The following DAB1 variants were observed in gnomAD, a reference collection of about 807,000 sequenced individuals.
DAB1 encodes DAB adaptor protein 1, also known as disabled homolog 1.
Under a neutral mutation model 64.6 loss-of-function variants are expected in DAB1, and 15 were observed. The ratio of observed to expected loss-of-function variants is 0.23; its 90% CI spans 0.16 to 0.36. DAB1 has a LOEUF of 0.36. Ranked by LOEUF, DAB1 falls within the 10% of genes least tolerant of loss-of-function variation. The probability of loss-of-function intolerance (pLI) is 1.00; values close to 1 mark genes in which losing one functional copy is unlikely to be tolerated. For missense variants in DAB1, 596 were observed against 706.7 expected (o/e 0.84, Z 1.78); for synonymous variants, 235 against 251.9 (o/e 0.93, Z 0.64).
In DAB1 at chr1:57,015,403, C is replaced by T. The variant is rs12404008; in HGVS notation, c.924G>A (p.Pro308=). The change falls in exon 12 of 15, where the codon CCG becomes CCA. Residue 308 remains proline, a synonymous_variant. Coordinates refer to ENST00000371236, the MANE Select transcript of DAB1 (RefSeq NM_001365792.1). ...CGAGGGGCTGCTGACCCCAGAAGGA[C>T]GGGAGGACAGCGCCCATTGCAACGT... The part of the protein sequence containing the change: ...SGYVAMGAVL[P]SFWGQQPLVQ... The T allele has an allele frequency of 4.6e-5, 75 of 1,612,948 alleles. No homozygotes were observed. The Admixed American group carries it at 4.8e-4, about 10-fold the overall frequency.
intron 3 of DAB1, among the ~76,000 whole-genome samples, chr1:58,375,123 C>G (rs1644310564): frequency 6.7e-6 from 1 of 149,178 alleles, no homozygotes; most frequent in African/African-American, 2.5e-5. Flanking sequence ...ATGTCGTCTG[C>G]AAACAGGGAC....
intron 1 of DAB1, among the ~76,000 whole-genome samples, chr1:57,301,710 C>T (rs1673675045): frequency 1.3e-5 from 2 of 152,176 alleles, no homozygotes; most frequent in African/African-American, 4.8e-5. Context: ...AGAAAGAGAA[C>T]AGAACCGACA....
intron 7 of DAB1, among the ~76,000 whole-genome samples, chr1:57,504,305 C>G (rs1237192749): frequency 6.6e-6 from 1 of 152,110 alleles, no homozygotes; most frequent in Non-Finnish European, 1.5e-5. Flanking sequence ...AGGCAATACA[C>G]AAGATAAGCC....
At chr1:57,232,576 T>C (rs1230853422) in intron 2 of DAB1, among the ~76,000 whole-genome samples, 2 of 152,118 alleles carry the variant, frequency 1.3e-5, no homozygotes, top group African/African-American at 4.8e-5. Context: ...ATTATTTAAA[T>C]GCACTCTTCC....
At chr1:58,153,658 A>G (rs1007588660) in intron 4 of DAB1, among the ~76,000 whole-genome samples, 3 of 151,974 alleles carry the variant, frequency 2.0e-5, no homozygotes, top group African/African-American at 7.2e-5. Flanking sequence ...TTACATTTCT[A>G]TTCTTTCCTT....
intron 7 of DAB1, among the ~76,000 whole-genome samples, chr1:57,528,661 C>CACATACACACACACACAT (rs58711371): frequency 1.3e-5 from 2 of 150,050 alleles, no homozygotes; most frequent in Non-Finnish European, 3.0e-5. Flanking sequence ...CACACACACA[C>CACATACACACACACACAT]ACACACACAC....
chr1:57,608,177 C>A (rs1160105262), intron 7 of DAB1, among the ~76,000 whole-genome samples: 1 of 152,002 alleles, frequency 6.6e-6, no homozygotes, highest in Non-Finnish European at 1.5e-5. Context: ...ACACATATGA[C>A]ATGTAATATA....
chr1:58,038,797 C>T (rs977435353), intron 5 of DAB1, among the ~76,000 whole-genome samples: 2 of 152,186 alleles, frequency 1.3e-5, no homozygotes, highest in African/African-American at 4.8e-5. Context: ...AATGATGAGT[C>T]ATAACACCCT....
chr1:58,461,842 T>C lies in DAB1; in HGVS notation n.257+44218A>G, dbSNP rs546720479. On this transcript the variant is annotated intron_variant and non_coding_transcript_variant, in intron 3 of 20. Coordinates refer to the DAB1 transcript ENST00000485760. ...TCTCAGAACTAATAGAACTTTGAGA[T>C]GTAGTTCACAATTTATGTAACTGAT... is the stretch of plus-strand genomic sequence containing the variant. Among the ~76,000 whole-genome samples, 13 of 152,356 alleles carry C rather than the reference T, an allele frequency of 8.5e-5. No individual in the cohort carries two copies. The South Asian group carries it at 2.7e-3, about 32-fold the overall frequency.
intron 5 of DAB1, 24 bp downstream of exon 5, chr1:57,072,259 C>A: frequency 6.2e-7 from 1 of 1,611,842 alleles, no homozygotes; most frequent in South Asian, 1.1e-5. Flanking sequence ...AGGAAAGACT[C>A]CCTTCTTGGA....
chr1:57,188,305 T>A (rs1047286433), intron 2 of DAB1, among the ~76,000 whole-genome samples: 3 of 152,156 alleles, frequency 2.0e-5, no homozygotes, highest in African/African-American at 7.2e-5. Context: ...AATTGACTAT[T>A]TCTACTTGGA....
chr1:57,377,789 G>A (rs1319967725), intron 1 of DAB1, among the ~76,000 whole-genome samples: 3 of 152,180 alleles, frequency 2.0e-5, no homozygotes, highest in Non-Finnish European at 2.9e-5. Flanking sequence ...GCAGAGTTAT[G>A]GGGAAGCTGC....
chr1:57,910,619 C>T (rs959554121), intron 5 of DAB1, among the ~76,000 whole-genome samples: 4 of 152,182 alleles, frequency 2.6e-5, no homozygotes, highest in Non-Finnish European at 5.9e-5. Context: ...GGAGCCACGT[C>T]GTGGCCTGGA....
chr1:57,552,212 T>G (rs935416945), intron 7 of DAB1, among the ~76,000 whole-genome samples: 1 of 152,162 alleles, frequency 6.6e-6, no homozygotes, highest in Non-Finnish European at 1.5e-5. Flanking sequence ...TGAAGTTCCT[T>G]TCATGAGTCA....
intron 4 of DAB1, among the ~76,000 whole-genome samples, chr1:58,339,233 A>G (rs1327685138): frequency 2.0e-5 from 3 of 152,194 alleles, no homozygotes; most frequent in Non-Finnish European, 4.4e-5. Context: ...CTTGTTTAGG[A>G]TAAGATTCAT....
intron 4 of DAB1, among the ~76,000 whole-genome samples, chr1:57,135,158 A>C (rs958878884): frequency 2.0e-5 from 3 of 152,216 alleles, no homozygotes; most frequent in Non-Finnish European, 4.4e-5. Flanking sequence ...CAGTGGCATT[A>C]CATACATTCA....
rs191902666 is a variant in DAB1 at position 58,452,830 on chromosome 1, A to T, written n.257+53230T>A. On this transcript the variant is annotated intron_variant and non_coding_transcript_variant, in intron 3 of 20. Transcript: ENST00000485760. ...GCGACAGAGAGAGACTCCATCTCAA[A>T]AAAACAAAAAACAAAAAACAAAACA... 2.0e-5 allele frequency among the ~76,000 whole-genome samples: 3 copies of T among 150,936 alleles called. No homozygotes were observed. In the East Asian group the frequency reaches 5.8e-4, roughly 29 times the overall value.
At chr1:58,528,475 T>C (rs1460953244) in intron 1 of DAB1, among the ~76,000 whole-genome samples, 1 of 152,254 alleles carries the variant, frequency 6.6e-6, no homozygotes, top group African/African-American at 2.4e-5. Context: ...TGCTTTAAAT[T>C]AATGATTCTA....
chr1:57,361,668 A>C (rs1388517400), intron 1 of DAB1, among the ~76,000 whole-genome samples: 1 of 152,162 alleles, frequency 6.6e-6, no homozygotes, highest in Non-Finnish European at 1.5e-5. Context: ...TCATTCAGTT[A>C]AGACTTCTGT....
Sources: gnomAD v4.1 joint callset for allele counts (sites outside exome capture counted in the v4.1 genomes callset) on GRCh38, gnomAD v4.1.1 for gene constraint, MANE v1.5 for transcripts, NCBI Gene and HGNC (gene_info 2026-07-23, HGNC 2026-07-21) for gene names.